YBX2: variants seen among roughly 807,000 people sequenced by gnomAD.
The protein encoded by YBX2 is Y-box binding protein 2, also known as Y-box-binding protein 2.
Under a neutral mutation model 44.4 loss-of-function variants are expected in YBX2, and 5 were observed. That is an observed-to-expected ratio of 0.11 (90% CI 0.06 to 0.24). The LOEUF (loss-of-function observed/expected upper bound fraction) is 0.24, where lower values mean the gene tolerates loss of function less well. YBX2 is among the 10% of genes least tolerant of loss of function. The probability of loss-of-function intolerance (pLI) is 1.00; values close to 1 mark genes in which losing one functional copy is unlikely to be tolerated. For synonymous variants in YBX2, 188 were observed against 216.1 expected (o/e 0.87, Z 1.14); for missense variants, 417 against 526.9 (o/e 0.79, Z 2.04).
In YBX2 at chr17:7,291,140, C is replaced by T. The variant is rs772946445; in HGVS notation, c.412G>A (p.Val138Ile). ...AATTCCACAGTCTCCCCATCTCCAA[C>T]GCTGCGCAGAAACTTCCTGGGGTTG... Reference protein sequence around the residue: ...RNNPRKFLRSVGDGETVEFDV... With the variant: ...RNNPRKFLRSIGDGETVEFDV... Residue 138 changes from valine to isoleucine, a missense_variant, in exon 4 of 9, where the codon GTT becomes ATT. By Grantham distance (29) the Val-to-Ile change is conservative. Transcript: ENST00000007699. This position sits in a 1 kb window ranked among gnomAD's most constrained non-coding sequence, Gnocchi z 5.8. The T allele has an allele frequency of 9.3e-6, 15 of 1,613,544 alleles. No individual in the cohort carries two copies. Among genetic ancestry groups the T allele is most frequent in the African/African-American group, 4.0e-5 (3 of 74,894 alleles).
Position 7,294,529 on chromosome 17 carries a change from G to A in YBX2, c.-29C>T. The A allele has an allele frequency of 7.0e-7, 1 of 1,438,320 alleles. No individual in the cohort carries two copies. The highest frequency in any genetic ancestry group is 9.1e-7 in the Non-Finnish European group (1 of 1,095,172). 89.1% of individuals were successfully genotyped at this position (1,438,320 alleles called of 1,614,324 possible). A position where few individuals can be genotyped will look rare whatever the true frequency, so the allele number is the denominator to read the frequency against. On this transcript the variant is annotated 5_prime_UTR_variant, in exon 1 of 9. Transcript: ENST00000007699. The surrounding 1 kb of genome is among the most constrained non-coding windows in gnomAD (Gnocchi z 4.6). ...GCCGGGTCCAGTACCGGCCACAGCC[G>A]CCACCGCCCCGGCCCCTCCCCCCGG... is the stretch of plus-strand genomic sequence containing the variant.
Position 7,290,319 on chromosome 17 carries a change from G to C in YBX2, c.676C>G (p.Pro226Ala), listed in dbSNP as rs1351704397. 7 of 1,613,640 alleles carry C rather than the reference G, an allele frequency of 4.3e-6. No individual in the cohort carries two copies. Among genetic ancestry groups the C allele is most frequent in the African/African-American group, 2.7e-5 (2 of 74,872 alleles). ...SGQRPRRWCPPPFFYRRRFVR... is the reference protein window; with the variant it reads ...SGQRPRRWCPAPFFYRRRFVR... Reference sequence around the variant, plus strand: ...AACCGCCGTCGGTAGAAGAAGGGTGGGGGGCACCATCGTCGGGGCCGTTGC... The same window carrying C: ...AACCGCCGTCGGTAGAAGAAGGGTGCGGGGCACCATCGTCGGGGCCGTTGC... The change falls in exon 5 of 9, where the codon CCA becomes GCA. Residue 226 changes from proline (P) to alanine (A), a missense_variant. Pro to Ala is a conservative substitution (Grantham distance 27). Around this residue, in one of 3 missense-constraint regions of YBX2, gnomAD observed 257 missense variants for 261.7 expected, o/e 0.98. Coordinates refer to ENST00000007699, the MANE Select transcript of YBX2 (RefSeq NM_015982.4).
chr17:7,288,581 T>G lies in YBX2; in HGVS notation c.*102A>C. ...AAGCTGGTGTTTTGATGTCATGAAT[T>G]ATGGGAAAGGGGGAGCAGGGTACTG... On this transcript the variant is annotated 3_prime_UTR_variant, in exon 9 of 9. Coordinates refer to ENST00000007699, the MANE Select transcript of YBX2 (RefSeq NM_015982.4). 8 of 571,660 alleles carry G rather than the reference T, an allele frequency of 1.4e-5. No individual in the cohort carries two copies. Among genetic ancestry groups the G allele is most frequent in the Non-Finnish European group, 1.6e-5 (5 of 316,380 alleles). 35.4% of individuals were successfully genotyped at this position (571,660 alleles called of 1,614,324 possible).
At position 7,294,158 on chromosome 17, in the gene YBX2, G is replaced by T; in HGVS notation, c.271+72C>A. 1 of 1,236,382 alleles carries T rather than the reference G, an allele frequency of 8.1e-7. No homozygotes were observed. The highest frequency in any genetic ancestry group is 3.8e-5 in the South Asian group (1 of 26,576). The allele number at this position is 1,236,382 out of a possible 1,614,324, so 76.6% of individuals were successfully genotyped here. ...GGCCGCCTTTGGTTTTCCGGATCCT[G>T]CCGGGCTCCACACTGCCCCTCCCCC... On this transcript the variant is annotated intron_variant, in intron 1 of 8. Transcript: ENST00000007699. This position sits in a 1 kb window ranked among gnomAD's most constrained non-coding sequence, Gnocchi z 4.6.
In YBX2 at chr17:7,289,626, G is replaced by C. The variant is rs781772596; in HGVS notation, c.948C>G (p.Pro316=). The change falls in exon 7 of 9, where the codon CCC becomes CCG. Residue 316 remains proline, a synonymous_variant. Coordinates refer to ENST00000007699, the MANE Select transcript of YBX2 (RefSeq NM_015982.4). ...QGPADGSRPE[P]QRPRNRPYFQ... ...AGTAGGGGCGGTTTCGTGGGCGCTG[G>C]GGCTCAGGCCGGGAACCATCAGCGG... is the stretch of plus-strand genomic sequence containing the variant. 1.2e-6 allele frequency: 2 copies of C among 1,614,036 alleles called. No homozygotes were observed. Among genetic ancestry groups the C allele is most frequent in the Non-Finnish European group, 1.7e-6 (2 of 1,179,974 alleles).
Position 7,289,960 on chromosome 17 carries a change from G to A in YBX2, c.848+8C>T, listed in dbSNP as rs778446272. 5 of 1,613,846 alleles carry A rather than the reference G, an allele frequency of 3.1e-6. No homozygotes were observed. In the South Asian group the frequency reaches 4.4e-5, roughly 14 times the overall value. On this transcript the variant is annotated splice_region_variant and intron_variant, in intron 6 of 8. Transcript: ENST00000007699. ...GGGGAAGACCAAGCCCCAGCAGGGGGGTCTTACCTTCGGTACCTGGGCCGG... is the reference window on the plus strand; with the variant it reads ...GGGGAAGACCAAGCCCCAGCAGGGGAGTCTTACCTTCGGTACCTGGGCCGG...
intron 8 of YBX2, 51 bp downstream of exon 8, chr17:7,288,698 A>T: frequency 2.0e-6 from 3 of 1,482,898 alleles, no homozygotes; most frequent in Non-Finnish European, 2.8e-6. Context: ...TGTCATCGCC[A>T]CCCAGTACCT....
chr17:7,288,732 C>T lies in YBX2; in HGVS notation c.*39+17G>A. On this transcript the variant is annotated intron_variant, in intron 8 of 8. Transcript: ENST00000007699. ...CTCACCTTCCTGGCCACCCACCCAA[C>T]TGCACCAGCCACTCACCAGATGGCA... is the stretch of plus-strand genomic sequence containing the variant. The T allele has an allele frequency of 6.2e-7, 1 of 1,609,430 alleles. No homozygotes were observed. The highest frequency in any genetic ancestry group is 8.5e-7 in the Non-Finnish European group (1 of 1,175,966).
Position 7,289,730 on chromosome 17 carries a change from G to A in YBX2, c.849-5C>T, listed in dbSNP as rs777329222. The A allele has an allele frequency of 2.6e-6, 4 of 1,553,734 alleles. No individual in the cohort carries two copies. Among genetic ancestry groups the A allele is most frequent in the African/African-American group, 2.9e-5 (2 of 69,132 alleles). ...CGTGGCCTGGGGCGGAAAGGCCTAAGGCAAGGAACAAGGCTCTGAGGGGAC... is the reference window on the plus strand; with the variant it reads ...CGTGGCCTGGGGCGGAAAGGCCTAAAGCAAGGAACAAGGCTCTGAGGGGAC... On this transcript the variant is annotated splice_polypyrimidine_tract_variant and splice_region_variant and intron_variant, in intron 6 of 8. Transcript: ENST00000007699.
chr17:7,294,546 TC>T lies in YBX2; in HGVS notation c.-47del. ...CCACAGCCGCCACCGCCCCGGCCCC[TC>T]CCCCCGGCTCGCGAACCCACCGCCC... On this transcript the variant is annotated 5_prime_UTR_variant, in exon 1 of 9. Coordinates refer to ENST00000007699, the MANE Select transcript of YBX2 (RefSeq NM_015982.4). This position sits in a 1 kb window ranked among gnomAD's most constrained non-coding sequence, Gnocchi z 4.6. 45 of 1,319,346 alleles carry T rather than the reference TC, an allele frequency of 3.4e-5. No individual in the cohort carries two copies. Among genetic ancestry groups the T allele is most frequent in the South Asian group, 7.5e-5 (5 of 66,628 alleles). The allele number at this position is 1,319,346 out of a possible 1,614,324, so 81.7% of individuals were successfully genotyped here.
intron 2 of YBX2, chr17:7,292,439 T>G: frequency 3.8e-6 from 1 of 265,850 alleles, no homozygotes. Flanking sequence ...CCAACCCCCA[T>G]CAGGGTTGGA....
chr17:7,293,099 TA>T (rs1347530553), intron 2 of YBX2: 1 of 326,702 alleles, frequency 3.1e-6, no homozygotes, highest in East Asian at 7.7e-5. Flanking sequence ...AGTGCTGCCA[TA>T]ACAGGAAATC....
At chr17:7,290,583 G>A in intron 4 of YBX2, 48 bp from the exon 5 acceptor site, 1 of 1,592,116 alleles carries the variant, frequency 6.3e-7, no homozygotes, top group African/African-American at 1.3e-5. Context: ...AACAGCCAAT[G>A]TGCATTTCCC....
Position 7,289,615 on chromosome 17 carries a change from C to T in YBX2, c.959G>A (p.Arg320Gln), listed in dbSNP as rs535139132. Residue 320 changes from arginine (R) to glutamine (Q), a missense_variant, in exon 7 of 9, where the codon CGA becomes CAA. This residue lies in a region of YBX2 where 257 missense variants were observed against 261.7 expected (regional missense o/e 0.98). Coordinates refer to ENST00000007699, the MANE Select transcript of YBX2 (RefSeq NM_015982.4). ...TCTCCGCTGGAAGTAGGGGCGGTTT[C>T]GTGGGCGCTGGGGCTCAGGCCGGGA... The part of the protein sequence containing the change: ...DGSRPEPQRP[R>Q]NRPYFQRRRQ... 7 of 1,613,792 alleles carry T rather than the reference C, an allele frequency of 4.3e-6. No individual in the cohort carries two copies. The highest frequency in any genetic ancestry group is 1.3e-5 in the African/African-American group (1 of 74,942).
At chr17:7,290,608 T>C in intron 4 of YBX2, 73 bp from the exon 5 acceptor site, 1 of 1,538,568 alleles carries the variant, frequency 6.5e-7, no homozygotes, top group Non-Finnish European at 8.8e-7. Flanking sequence ...TGCTTCCCCT[T>C]CTTTCAGGGG....
At chr17:7,292,743 C>A (rs1254842159) in intron 2 of YBX2, 3 of 154,642 alleles carry the variant, frequency 1.9e-5, no homozygotes, top group Non-Finnish European at 4.3e-5. Flanking sequence ...CTGCCCCCGA[C>A]CCAGTCTGCC....
intron 1 of YBX2, 147 bp from the exon 2 acceptor site, chr17:7,293,685 A>C: frequency 1.4e-6 from 2 of 1,477,534 alleles, no homozygotes; most frequent in Non-Finnish European, 1.8e-6. Context: ...AGGTTTCACT[A>C]GTAGCTTCAA....
chr17:7,293,311 C>T, intron 2 of YBX2, 164 bp downstream of exon 2: 1 of 1,300,278 alleles, frequency 7.7e-7, no homozygotes, highest in East Asian at 2.5e-5. Flanking sequence ...TTCCTCTTGT[C>T]ACGAAGCACA....
chr17:7,293,118 G>T, intron 2 of YBX2: 1 of 343,656 alleles, frequency 2.9e-6, no homozygotes, highest in Non-Finnish European at 5.6e-6. Context: ...ATCAGTTGAG[G>T]ATTCCAGCCG....
Sources: allele counts gnomAD v4.1 joint callset, GRCh38; gene constraint gnomAD v4.1.1; regional missense constraint gnomAD v4.1.1; non-coding constraint Gnocchi (gnomAD v3.1); transcripts MANE v1.5; gene names NCBI Gene and HGNC (gene_info 2026-07-23, HGNC 2026-07-21).